LRIF1: variants seen among roughly 807,000 people sequenced by gnomAD.
LRIF1 encodes ligand-dependent nuclear receptor-interacting factor 1.
In LRIF1, 32 loss-of-function variants were observed where a neutral mutation model predicts 52.7. That is an observed-to-expected ratio of 0.61 (90% CI 0.46 to 0.82). The LOEUF (loss-of-function observed/expected upper bound fraction) is 0.82, where lower values mean the gene tolerates loss of function less well. Among genes scored for constraint, LRIF1 ranks in the 40% least tolerant of loss-of-function variants. The pLI, the probability that LRIF1 is intolerant of heterozygous loss-of-function variation, is 0.00. For synonymous variants in LRIF1, 323 were observed against 317.4 expected (o/e 1.02, Z -0.19); for missense variants, 887 against 892.0 (o/e 0.99, Z 0.07).
chr1:110,924,690 G>T, the LRIF1 span, among the ~76,000 whole-genome samples: 1 of 152,186 alleles, frequency 6.6e-6, no homozygotes, highest in Non-Finnish European at 1.5e-5. Context: ...TTCAAAATGA[G>T]ATTTGGGTGG....
At chr1:110,931,393 A>T in the LRIF1 span, among the ~76,000 whole-genome samples, 2 of 152,212 alleles carry the variant, frequency 1.3e-5, no homozygotes, top group African/African-American at 4.8e-5. Context: ...ATTGATGGAC[A>T]TTTGGGTTGG....
At chr1:110,906,162 G>GT in the LRIF1 span, among the ~76,000 whole-genome samples, 60 of 152,104 alleles carry the variant, frequency 3.9e-4, no homozygotes, top group Non-Finnish European at 6.0e-4. Flanking sequence ...CAGATAAACT[G>GT]TAAGAATTAA....
In LRIF1 at chr1:110,963,911, G is replaced by C. The variant is rs1570954233; in HGVS notation, c.-223C>G. On this transcript the variant is annotated 5_prime_UTR_variant, in exon 1 of 4. Coordinates refer to ENST00000369763, the MANE Select transcript of LRIF1 (RefSeq NM_018372.4). ...CCGCGCAGAAACCGGAAGGCTCCTGGCGGTGGACTGCGCCCTCACAGCCCT... is the reference window on the plus strand; with the variant it reads ...CCGCGCAGAAACCGGAAGGCTCCTGCCGGTGGACTGCGCCCTCACAGCCCT... 2.4e-6 allele frequency: 1 copy of C among 419,490 alleles called. No individual in the cohort carries two copies. The highest frequency in any genetic ancestry group is 3.0e-5 in the South Asian group (1 of 33,752). 26.0% of individuals were successfully genotyped at this position (419,490 alleles called of 1,614,324 possible). A position where few individuals can be genotyped will look rare whatever the true frequency, so the allele number is the denominator to read the frequency against.
chr1:110,929,934 A>C, the LRIF1 span, among the ~76,000 whole-genome samples: 1 of 152,210 alleles, frequency 6.6e-6, no homozygotes, highest in South Asian at 2.1e-4. Context: ...GGGTGACGAA[A>C]TAATCTGTAC....
At chr1:110,898,186 G>A in the LRIF1 span, among the ~76,000 whole-genome samples, 1 of 151,950 alleles carries the variant, frequency 6.6e-6, no homozygotes, top group Non-Finnish European at 1.5e-5. Flanking sequence ...GACCATCCTG[G>A]CTAACATGGT....
At position 110,947,803 on chromosome 1, in the gene LRIF1, T is replaced by C; in HGVS notation, c.*156A>G. ...AAATTATTCACAAGTCATATGTGAA[T>C]CAACCTTTTCTGTATTCCTTAAAGT... On this transcript the variant is annotated 3_prime_UTR_variant, in exon 4 of 4. Coordinates refer to ENST00000369763, the MANE Select transcript of LRIF1 (RefSeq NM_018372.4). 1 of 1,017,554 alleles carries C rather than the reference T, an allele frequency of 9.8e-7. No homozygotes were observed. Among genetic ancestry groups the C allele is most frequent in the Non-Finnish European group, 1.4e-6 (1 of 740,116 alleles). The allele number at this position is 1,017,554 out of a possible 1,614,324, so 63.0% of individuals were successfully genotyped here. A position where few individuals can be genotyped will look rare whatever the true frequency, so the allele number is the denominator to read the frequency against.
chr1:110,952,841 T>C (rs756522631), intron 1 of LRIF1, 26 bp from the exon 2 acceptor site: 55 of 1,322,342 alleles, frequency 4.2e-5, no homozygotes, highest in Non-Finnish European at 5.4e-5. Flanking sequence ...AGTAAATAAA[T>C]ACAACATACT....
At chr1:110,883,446 T>C in the LRIF1 span, among the ~76,000 whole-genome samples, 1 of 152,002 alleles carries the variant, frequency 6.6e-6, no homozygotes, top group East Asian at 1.9e-4. Context: ...CGTTAGATGC[T>C]TTTTACTAAA....
chr1:110,904,120 A>G, the LRIF1 span, among the ~76,000 whole-genome samples: 1 of 152,180 alleles, frequency 6.6e-6, no homozygotes, highest in Non-Finnish European at 1.5e-5. Flanking sequence ...ACAATAGAAT[A>G]TCAGCTAGAG....
the LRIF1 span, among the ~76,000 whole-genome samples, chr1:110,920,463 G>A: frequency 6.6e-6 from 1 of 152,198 alleles, no homozygotes; most frequent in African/African-American, 2.4e-5. Flanking sequence ...TTCCAGCTAT[G>A]AGACATTCTG....
chr1:110,882,704 A>C, the LRIF1 span, among the ~76,000 whole-genome samples: 1 of 152,042 alleles, frequency 6.6e-6, no homozygotes, highest in African/African-American at 2.4e-5. Context: ...GACGTGGTAT[A>C]TCTCTCCATT....
At chr1:110,912,187 A>G in the LRIF1 span, among the ~76,000 whole-genome samples, 2 of 152,038 alleles carry the variant, frequency 1.3e-5, no homozygotes, top group South Asian at 4.1e-4. Context: ...AATCAGTAGC[A>G]TTTCTTTTTT....
the LRIF1 span, among the ~76,000 whole-genome samples, chr1:110,916,470 A>G: frequency 1.3e-5 from 2 of 152,140 alleles, no homozygotes; most frequent in South Asian, 4.1e-4. Context: ...AAAATGATAA[A>G]AAGTAAAACC....
chr1:110,902,483 T>C, the LRIF1 span, among the ~76,000 whole-genome samples: 1 of 18,382 alleles, frequency 5.4e-5, no homozygotes. Flanking sequence ...CAAATCGAAC[T>C]AAATCAATCA....
chr1:110,902,052 T>C, the LRIF1 span, among the ~76,000 whole-genome samples: 9 of 152,356 alleles, frequency 5.9e-5, no homozygotes, highest in East Asian at 1.7e-3. Flanking sequence ...CCTATTTCAT[T>C]AACTTGCCTG....
At chr1:110,887,382 G>T in the LRIF1 span, among the ~76,000 whole-genome samples, 11 of 152,100 alleles carry the variant, frequency 7.2e-5, no homozygotes, top group Admixed American at 5.2e-4. Context: ...TGAAAACATA[G>T]TATCTGGCTT....
chr1:110,954,320 A>T (rs1027217619), intron 1 of LRIF1, among the ~76,000 whole-genome samples: 1 of 152,212 alleles, frequency 6.6e-6, no homozygotes, highest in Non-Finnish European at 1.5e-5. Flanking sequence ...CGGCTCTGTC[A>T]TCCAGACTGG....
At chr1:110,894,950 G>A in the LRIF1 span, 4 of 1,606,382 alleles carry the variant, frequency 2.5e-6, no homozygotes, top group Non-Finnish European at 3.4e-6. Context: ...GCTGGAATGT[G>A]CCTGCCCAGC....
At chr1:110,927,260 CTGTA>C in the LRIF1 span, among the ~76,000 whole-genome samples, 1 of 152,054 alleles carries the variant, frequency 6.6e-6, no homozygotes, top group African/African-American at 2.4e-5. Context: ...GTGTGTGAGT[CTGTA>C]TGTGTGTGTA....
Sources: gnomAD v4.1 joint callset for allele counts (sites outside exome capture counted in the v4.1 genomes callset) on GRCh38, gnomAD v4.1.1 for gene constraint, MANE v1.5 for transcripts, NCBI Gene and HGNC (gene_info 2026-07-23, HGNC 2026-07-21) for gene names.